MIA2: variants seen among roughly 807,000 people sequenced by gnomAD.
MIA2 encodes MIA SH3 domain ER export factor 2.
MIA2 carries 127 observed loss-of-function variants against 167.8 expected under a neutral mutation model. The observed-to-expected ratio is 0.76, with a 90% CI of 0.66 to 0.88. The LOEUF (loss-of-function observed/expected upper bound fraction) is 0.88. MIA2 is among the 40% of genes least tolerant of loss of function. MIA2 has a pLI of 0.00. For missense variants in MIA2, 1,690 were observed against 1,624.7 expected, an observed-to-expected ratio of 1.04 and a Z score of -0.69; for synonymous variants, 552 against 541.9, an observed-to-expected ratio of 1.02 and a Z score of -0.26.
intron 3 of MIA2, 49 bp downstream of exon 3, chr14:39,240,696 T>G (rs373860740): frequency 1.4e-4 from 191 of 1,397,992 alleles, no homozygotes; most frequent in Middle Eastern, 3.6e-4. Flanking sequence ...ATTTCTTGGT[T>G]AAAACAGTTT....
intron 9 of MIA2, 142 bp downstream of exon 9, chr14:39,279,679 C>T (rs2058649159): frequency 1.3e-5 from 8 of 602,708 alleles, no homozygotes; most frequent in Non-Finnish European, 2.3e-5. Context: ...ATATTCAACA[C>T]TTAACCAGTC....
At position 39,235,977 on chromosome 14, in the gene MIA2, T is replaced by TA. The variant is rs1285249264; in HGVS notation, c.116-944dup. Among the ~76,000 whole-genome samples, 4 of 152,252 alleles carry TA rather than the reference T, an allele frequency of 2.6e-5. No individual in the cohort carries two copies. In the East Asian group the frequency reaches 7.7e-4, roughly 29 times the overall value. ...ATGTTTGTATAATTATAATAGGTAA[T>TA]ATGGTGTGTATATTCATGTGTTGAA... is the stretch of plus-strand genomic sequence containing the variant. On this transcript the variant is annotated intron_variant, in intron 1 of 28. Transcript: ENST00000640607.
chr14:39,306,680 T>G (rs73277475), intron 17 of MIA2, among the ~76,000 whole-genome samples: 2,922 of 152,326 alleles, frequency 0.019, 102 homozygotes, highest in African/African-American at 0.067. Context: ...TACTAAAATT[T>G]TCATGCTTGT....
intron 9 of MIA2, 119 bp downstream of exon 9, chr14:39,279,656 C>T: frequency 1.5e-6 from 1 of 654,184 alleles, no homozygotes. Context: ...TATGAGAGTT[C>T]TCTTTGCTCT....
chr14:39,241,404 T>G (rs2054032636), intron 3 of MIA2, among the ~76,000 whole-genome samples: 1 of 152,220 alleles, frequency 6.6e-6, no homozygotes, highest in Non-Finnish European at 1.5e-5. Context: ...GTATAATAAT[T>G]GGTCCTGTCA....
At chr14:39,318,224 A>G (rs887074309) in intron 22 of MIA2, among the ~76,000 whole-genome samples, 1 of 152,210 alleles carries the variant, frequency 6.6e-6, no homozygotes, top group Non-Finnish European at 1.5e-5. Context: ...CTGTTAACAG[A>G]TTATTCTGCA....
chr14:39,347,513 C>T lies in MIA2; in HGVS notation c.3779-200C>T, dbSNP rs1595889038. ...GAACTAGCCAGAGAAATAATTGCCA[C>T]ATGCCATCATAGAACTCTGAGTCTG... On this transcript the variant is annotated intron_variant, in intron 26 of 28. Transcript: ENST00000640607. 11 of 559,862 alleles carry T rather than the reference C, an allele frequency of 2.0e-5. No individual in the cohort carries two copies. The East Asian group carries it at 2.9e-4, about 15-fold the overall frequency. The allele number at this position is 559,862 out of a possible 1,614,324, so 34.7% of individuals were successfully genotyped here. A position where few individuals can be genotyped will look rare whatever the true frequency, so the allele number is the denominator to read the frequency against.
At chr14:39,333,013 C>A (rs1343328566) in intron 25 of MIA2, among the ~76,000 whole-genome samples, 1 of 151,902 alleles carries the variant, frequency 6.6e-6, no homozygotes, top group East Asian at 1.9e-4. Context: ...CCATTTGGTT[C>A]CTTTTTATAA....
chr14:39,348,670 T>A, intron 27 of MIA2, 73 bp from the exon 28 acceptor site: 1 of 1,575,082 alleles, frequency 6.3e-7, no homozygotes. Context: ...TGATTTCTTC[T>A]AAGCCTGAGA....
chr14:39,234,305 C>A, intron 1 of MIA2, 76 bp downstream of exon 1: 4 of 901,822 alleles, frequency 4.4e-6, no homozygotes, highest in South Asian at 1.6e-5. Context: ...TGTGGTCACG[C>A]ATGATAAAAA....
At chr14:39,374,336 C>T (rs1349489796) in intron 23 of MIA2, among the ~76,000 whole-genome samples, 1 of 152,130 alleles carries the variant, frequency 6.6e-6, no homozygotes, top group Admixed American at 6.5e-5. Flanking sequence ...TGAAAGCAAC[C>T]AGCAGGACAA....
intron 6 of MIA2, chr14:39,267,630 C>T: frequency 1.5e-6 from 2 of 1,313,464 alleles, no homozygotes; most frequent in Non-Finnish European, 1.0e-6. Context: ...GTCAGAGGTC[C>T]CGAAGCCAGT....
intron 17 of MIA2, among the ~76,000 whole-genome samples, chr14:39,305,162 A>T (rs992538946): frequency 1.3e-5 from 2 of 152,230 alleles, no homozygotes; most frequent in Non-Finnish European, 2.9e-5. Context: ...TTGAACCACC[A>T]AAGATAGAGG....
At chr14:39,316,793 T>C (rs1401725639) in intron 21 of MIA2, among the ~76,000 whole-genome samples, 7 of 151,220 alleles carry the variant, frequency 4.6e-5, no homozygotes, top group African/African-American at 1.7e-4. Context: ...AGATTACTCT[T>C]TGAAGATGGA....
At chr14:39,280,424 T>A (rs1415430493) in intron 9 of MIA2, among the ~76,000 whole-genome samples, 1 of 152,026 alleles carries the variant, frequency 6.6e-6, no homozygotes, top group Non-Finnish European at 1.5e-5. Flanking sequence ...AGGGCAGGTA[T>A]AGTTTAACTG....
intron 25 of MIA2, among the ~76,000 whole-genome samples, chr14:39,334,334 G>A (rs1371509311): frequency 6.6e-6 from 1 of 151,994 alleles, no homozygotes; most frequent in Non-Finnish European, 1.5e-5. Context: ...AATTAGCTGG[G>A]TGTGGTGGCA....
chr14:39,284,196 T>G (rs1234300439), intron 9 of MIA2, among the ~76,000 whole-genome samples: 1 of 152,166 alleles, frequency 6.6e-6, no homozygotes, highest in East Asian at 1.9e-4. Flanking sequence ...GGTTTTATGT[T>G]TAGGTCTTTT....
Position 39,348,792 on chromosome 14 carries a change from G to A in MIA2, c.3887G>A (p.Gly1296Asp). Residue 1296 changes from glycine to aspartate, a missense_variant, in exon 28 of 29, where the codon GGC (glycine) becomes GAC (aspartate). By Grantham distance (94) the Gly-to-Asp change is moderately conservative (BLOSUM62 -1). Coordinates refer to ENST00000640607, the MANE Select transcript of MIA2 (RefSeq NM_001329214.4). ...CTCCCTGCTGAAAATGAAGCCACTG[G>A]CCCTGGCTTTGTTCCTCCACCTCTT... ...SSLPAENEAT[G>D]PGFVPPPLAP... is the part of the protein sequence containing the mutation. 6.2e-7 allele frequency: 1 copy of A among 1,613,950 alleles called. No individual in the cohort carries two copies. The highest frequency in any genetic ancestry group is 8.5e-7 in the Non-Finnish European group (1 of 1,179,892).
chr14:39,304,410 G>A (rs752658456), intron 17 of MIA2, 29 bp downstream of exon 17: 1 of 1,195,888 alleles, frequency 8.4e-7, no homozygotes, highest in South Asian at 1.5e-5. Flanking sequence ...TACTTTTAAT[G>A]TTTTTCTAAG....
Sources: allele counts gnomAD v4.1 joint callset (sites outside exome capture counted in the v4.1 genomes callset), GRCh38; gene constraint gnomAD v4.1.1; transcripts MANE v1.5; gene names NCBI Gene and HGNC (gene_info 2026-07-23, HGNC 2026-07-21).